Variants in ATP9B observed in about 807,000 individuals in gnomAD.
ATP9B encodes probable phospholipid-transporting ATPase IIB.
ATP9B carries 110 observed loss-of-function variants against 146.1 expected under a neutral mutation model. The observed-to-expected ratio is 0.75, with a 90% CI of 0.65 to 0.88. The LOEUF (loss-of-function observed/expected upper bound fraction) is 0.88, where lower values mean the gene tolerates loss of function less well. Ranked by LOEUF, ATP9B falls within the 40% of genes least tolerant of loss-of-function variation. The pLI is 0.00. For missense variants in ATP9B, 1,499 were observed against 1,496.4 expected, an observed-to-expected ratio of 1.00 and a Z score of -0.03; for synonymous variants, 604 against 569.7, an observed-to-expected ratio of 1.06 and a Z score of -0.86.
chr18:79,245,327 G>C (rs1402266469), intron 11 of ATP9B, among the ~76,000 whole-genome samples: 4 of 152,154 alleles, frequency 2.6e-5, no homozygotes, highest in African/African-American at 9.7e-5. Context: ...TGAGGTTTCT[G>C]GTGTTAGTGG....
At chr18:79,213,830 T>C in intron 10 of ATP9B, 132 bp from the exon 11 acceptor site, 2 of 685,738 alleles carry the variant, frequency 2.9e-6, no homozygotes, top group South Asian at 4.9e-5. Flanking sequence ...CCAAATTAAA[T>C]ACACTGTTGG....
At chr18:79,146,635 T>A in intron 6 of ATP9B, 2 of 271,068 alleles carry the variant, frequency 7.4e-6, no homozygotes, top group Non-Finnish European at 1.5e-5. Context: ...GCAGAGTGAC[T>A]GAAGGTCCAT....
intron 2 of ATP9B, among the ~76,000 whole-genome samples, chr18:79,097,691 A>G (rs1237199574): frequency 6.8e-6 from 1 of 147,198 alleles, no homozygotes; most frequent in Non-Finnish European, 1.5e-5. Flanking sequence ...CCATGTCCCT[A>G]CAAAGGACAT....
chr18:79,104,257 G>A (rs566416847), intron 2 of ATP9B, among the ~76,000 whole-genome samples: 1 of 152,288 alleles, frequency 6.6e-6, no homozygotes, highest in East Asian at 1.9e-4. Context: ...AGGCCGTTAG[G>A]TGATTTTTTG....
At position 79,107,284 on chromosome 18, in the gene ATP9B, C is replaced by T. The variant is rs967969954; in HGVS notation, c.294-3071C>T. Among the ~76,000 whole-genome samples the T allele has an allele frequency of 7.9e-5, 12 of 152,286 alleles. No individual in the cohort carries two copies. In the South Asian group the frequency reaches 2.5e-3, roughly 32 times the overall value. ...GGATGTCCATTATGGTAGCCACTAG[C>T]CAGGGTGCCCACTGAGCTCTTGAGA... On this transcript the variant is annotated intron_variant, in intron 2 of 29. Transcript: ENST00000426216.
intron 26 of ATP9B, chr18:79,359,955 CAT>C (rs749311666): frequency 1.6e-4 from 27 of 173,620 alleles, no homozygotes; most frequent in African/African-American, 2.4e-4. Flanking sequence ...AAAGTGATAA[CAT>C]GTGTCTGTCC....
At chr18:79,187,538 C>T (rs767998197) in intron 8 of ATP9B, among the ~76,000 whole-genome samples, 2 of 152,132 alleles carry the variant, frequency 1.3e-5, no homozygotes, top group African/African-American at 2.4e-5. Context: ...TCTACAGCTC[C>T]GAAGTTCTAT....
At chr18:79,356,006 A>T (rs2096950406) in intron 25 of ATP9B, among the ~76,000 whole-genome samples, 1 of 152,240 alleles carries the variant, frequency 6.6e-6, no homozygotes, top group African/African-American at 2.4e-5. Flanking sequence ...GGTGTTGGCA[A>T]GACTCGTGTC....
intron 15 of ATP9B, among the ~76,000 whole-genome samples, chr18:79,327,480 A>G (rs1340663531): frequency 6.7e-6 from 1 of 150,176 alleles, no homozygotes; most frequent in Non-Finnish European, 1.5e-5. Context: ...CTCCGTGGTT[A>G]GCGTGCTCTC....
At chr18:79,370,239 G>A (rs1466011479) in intron 26 of ATP9B, among the ~76,000 whole-genome samples, 1 of 152,166 alleles carries the variant, frequency 6.6e-6, no homozygotes, top group Non-Finnish European at 1.5e-5. Context: ...CTATGCTGCT[G>A]GCATTGTGCA....
At chr18:79,179,014 G>A (rs2095217318) in intron 8 of ATP9B, among the ~76,000 whole-genome samples, 1 of 152,164 alleles carries the variant, frequency 6.6e-6, no homozygotes, top group African/African-American at 2.4e-5. Flanking sequence ...GAAAACACTT[G>A]ATTGTGAATT....
intron 26 of ATP9B, among the ~76,000 whole-genome samples, chr18:79,369,820 C>T (rs1445102563): frequency 1.3e-5 from 2 of 152,138 alleles, no homozygotes; most frequent in African/African-American, 4.8e-5. Context: ...TTGATTTGGC[C>T]GGGCGCAGTG....
intron 5 of ATP9B, among the ~76,000 whole-genome samples, chr18:79,140,165 C>T (rs2094496432): frequency 6.6e-6 from 1 of 151,990 alleles, no homozygotes; most frequent in South Asian, 2.1e-4. Flanking sequence ...GGAGCTTCTG[C>T]GAGTAAGTGG....
chr18:79,369,427 G>A (rs968326069), intron 26 of ATP9B, among the ~76,000 whole-genome samples: 2 of 151,862 alleles, frequency 1.3e-5, no homozygotes, highest in African/African-American at 4.8e-5. Context: ...CAGCTACTCG[G>A]GAGGCTGAGG....
intron 9 of ATP9B, among the ~76,000 whole-genome samples, chr18:79,195,715 G>A (rs1004832812): frequency 2.6e-5 from 4 of 152,204 alleles, no homozygotes; most frequent in South Asian, 2.1e-4. Flanking sequence ...AACACTGAAC[G>A]TGAGCATCTG....
At chr18:79,075,515 C>G (rs1293709708) in intron 1 of ATP9B, among the ~76,000 whole-genome samples, 2 of 152,156 alleles carry the variant, frequency 1.3e-5, no homozygotes. Flanking sequence ...ATTTGAGATT[C>G]CTGTGTGTTC....
At chr18:79,108,993 C>T (rs2075831728) in intron 2 of ATP9B, among the ~76,000 whole-genome samples, 1 of 152,188 alleles carries the variant, frequency 6.6e-6, no homozygotes, top group South Asian at 2.1e-4. Context: ...GGGTGTGGCA[C>T]TCCAGCATGG....
At chr18:79,241,500 C>T (rs2095888485) in intron 11 of ATP9B, among the ~76,000 whole-genome samples, 1 of 152,180 alleles carries the variant, frequency 6.6e-6, no homozygotes, top group African/African-American at 2.4e-5. Flanking sequence ...AGCCAGGGTG[C>T]TGATCAGGTT....
intron 26 of ATP9B, chr18:79,372,300 C>T (rs1038121476): frequency 6.3e-5 from 13 of 205,836 alleles, no homozygotes; most frequent in East Asian, 3.8e-4. Context: ...AAGGGCCTGG[C>T]GCAAGGACCC....
Sources: gnomAD v4.1 joint callset for allele counts (sites outside exome capture counted in the v4.1 genomes callset) on GRCh38, gnomAD v4.1.1 for gene constraint, MANE v1.5 for transcripts, NCBI Gene and HGNC (gene_info 2026-07-23, HGNC 2026-07-21) for gene names.